The following PTGER4 variants were observed in gnomAD, a reference collection of about 807,000 sequenced individuals.
PTGER4 encodes the protein prostaglandin E2 receptor EP4 subtype.
A neutral mutation model predicts 33.2 loss-of-function variants in PTGER4; 11 were observed. The observed-to-expected ratio is 0.33, with a 90% CI of 0.21 to 0.55. The LOEUF is 0.55. Ranked by LOEUF, PTGER4 falls within the 20% of genes least tolerant of loss-of-function variation. The pLI is 0.92. For synonymous variants in PTGER4, 275 were observed against 281.5 expected, an observed-to-expected ratio of 0.98 and a Z score of 0.23; for missense variants, 481 against 650.2, an observed-to-expected ratio of 0.74 and a Z score of 2.83.
At chr5:40,702,735 A>G in the PTGER4 span, among the ~76,000 whole-genome samples, 1 of 152,250 alleles carries the variant, frequency 6.6e-6, no homozygotes, top group Admixed American at 6.5e-5. Flanking sequence ...CACATGGCAC[A>G]TACTCTAAAA....
the PTGER4 span, among the ~76,000 whole-genome samples, chr5:40,706,688 GA>G: frequency 4.5e-4 from 67 of 148,168 alleles, no homozygotes; most frequent in South Asian, 6.0e-3. Flanking sequence ...AACCAAAAAG[GA>G]AAAAAAAAAT....
At chr5:40,728,935 G>A in the PTGER4 span, among the ~76,000 whole-genome samples, 5 of 152,066 alleles carry the variant, frequency 3.3e-5, no homozygotes, top group Non-Finnish European at 5.9e-5. Context: ...CTCACTACTG[G>A]GCATTTCAAA....
chr5:40,708,219 T>C, the PTGER4 span, among the ~76,000 whole-genome samples: 4 of 152,084 alleles, frequency 2.6e-5, no homozygotes, highest in African/African-American at 9.7e-5. Context: ...CAAAAAAACC[T>C]TCAAAAAATC....
downstream of PTGER4, among the ~76,000 whole-genome samples, chr5:40,697,020 G>C (rs190594651): frequency 3.8e-4 from 48 of 127,332 alleles, no homozygotes; most frequent in African/African-American, 9.0e-4. Context: ...GAGAAAGAAA[G>C]AGAAAACAAA....
Position 40,680,140 on chromosome 5 carries a change from A to G in PTGER4, c.-382A>G, listed in dbSNP as rs1741147455. ...AAGGCTCCGCGCCACCTGCGCGCAC[A>G]GCCTCACACCTGAACGCTGTCCTCC... is the stretch of plus-strand genomic sequence containing the variant. On this transcript the variant is annotated 5_prime_UTR_variant, in exon 1 of 3. Transcript: ENST00000302472. The surrounding 1 kb of genome is among the most constrained non-coding windows in gnomAD (Gnocchi z 5.5). The G allele has an allele frequency of 6.6e-6, 1 of 152,458 alleles. No individual in the cohort carries two copies. The highest frequency in any genetic ancestry group is 6.5e-5 in the Admixed American group (1 of 15,290). The allele number at this position is 152,458 out of a possible 1,614,324, so 9.4% of individuals were successfully genotyped here.
At chr5:40,730,407 A>C in the PTGER4 span, 2 of 1,363,272 alleles carry the variant, frequency 1.5e-6, no homozygotes, top group Non-Finnish European at 2.1e-6. Context: ...TTTCAAAAAA[A>C]AATTTTTATT....
the PTGER4 span, among the ~76,000 whole-genome samples, chr5:40,699,317 A>G: frequency 6.6e-6 from 1 of 152,180 alleles, no homozygotes. Flanking sequence ...AATGTGATAT[A>G]ATTCATAATA....
chr5:40,696,964 A>AAGAAAGAGAGAGAG (rs1741594472), downstream of PTGER4, among the ~76,000 whole-genome samples: 1 of 88,666 alleles, frequency 1.1e-5, no homozygotes, highest in African/African-American at 4.1e-5. Flanking sequence ...GAAAGAGAGA[A>AAGAAAGAGAGAGAG]AGAAAGAGAG....
chr5:40,684,910 C>T (rs763481487), intron 2 of PTGER4, among the ~76,000 whole-genome samples: 11 of 152,016 alleles, frequency 7.2e-5, no homozygotes, highest in African/African-American at 1.9e-4. Context: ...TTAAGATAAA[C>T]GAAAAGGATT....
chr5:40,712,532 T>C, the PTGER4 span, among the ~76,000 whole-genome samples: 1 of 152,128 alleles, frequency 6.6e-6, no homozygotes, highest in Non-Finnish European at 1.5e-5. Flanking sequence ...ATATTGAACT[T>C]AGAATTAGAC....
At chr5:40,727,396 C>A in the PTGER4 span, among the ~76,000 whole-genome samples, 1 of 152,116 alleles carries the variant, frequency 6.6e-6, no homozygotes, top group African/African-American at 2.4e-5. Context: ...ATAGCCCTGC[C>A]AAAAGAAAAA....
chr5:40,695,138 C>T (rs930765258), downstream of PTGER4, among the ~76,000 whole-genome samples: 8 of 152,200 alleles, frequency 5.3e-5, no homozygotes, highest in Admixed American at 1.3e-4. Flanking sequence ...AGGCCAGGTA[C>T]AGTGGCTCAC....
At chr5:40,714,523 A>G in the PTGER4 span, 3 of 152,274 alleles carry the variant, frequency 2.0e-5, no homozygotes, top group African/African-American at 7.2e-5. Context: ...ACAAACATCC[A>G]TTACTCAAAA....
rs575747775 is a variant in PTGER4, at chr5:40,680,498, A to T, written c.-44+20A>T. The T allele has an allele frequency of 6.3e-6, 1 of 157,840 alleles. No homozygotes were observed. Among genetic ancestry groups the T allele is most frequent in the South Asian group, 1.8e-4 (1 of 5,556 alleles). 9.8% of individuals were successfully genotyped at this position (157,840 alleles called of 1,614,324 possible). The stretch of plus-strand genomic sequence containing the variant: ...CTACAGGTGAGATGGCGTTGGGCTG[A>T]CGTTGGGGTCAACGGGTAGAGAACG... On this transcript the variant is annotated intron_variant, in intron 1 of 2. Transcript: ENST00000302472. This position sits in a 1 kb window ranked among gnomAD's most constrained non-coding sequence, Gnocchi z 5.5.
At chr5:40,699,013 C>T in the PTGER4 span, among the ~76,000 whole-genome samples, 2 of 152,086 alleles carry the variant, frequency 1.3e-5, no homozygotes, top group Non-Finnish European at 2.9e-5. Context: ...CATGGCCACC[C>T]ATGATGTATT....
chr5:40,710,825 T>C, the PTGER4 span, among the ~76,000 whole-genome samples: 3 of 151,892 alleles, frequency 2.0e-5, no homozygotes. Context: ...ACTATCACAA[T>C]GCCAAAAAAC....
the PTGER4 span, among the ~76,000 whole-genome samples, chr5:40,741,904 G>A: frequency 5.8e-3 from 886 of 152,154 alleles, 3 homozygotes; most frequent in Non-Finnish European, 8.4e-3. Context: ...CAGGAGAACC[G>A]CTTGAGCCTG....
chr5:40,686,551 G>C (rs561915837), intron 2 of PTGER4, among the ~76,000 whole-genome samples: 1 of 152,198 alleles, frequency 6.6e-6, no homozygotes, highest in Non-Finnish European at 1.5e-5. Context: ...TAAGGGCAGA[G>C]CCAGGATTTG....
At chr5:40,700,564 T>G in the PTGER4 span, among the ~76,000 whole-genome samples, 1 of 152,226 alleles carries the variant, frequency 6.6e-6, no homozygotes, top group Admixed American at 6.5e-5. Context: ...TTGGGCTGAC[T>G]GCACTGAGTG....
Sources: gnomAD v4.1 joint callset for allele counts (sites outside exome capture counted in the v4.1 genomes callset) on GRCh38, gnomAD v4.1.1 for gene constraint, Gnocchi (gnomAD v3.1) non-coding constraint, MANE v1.5 for transcripts, NCBI Gene and HGNC (gene_info 2026-07-23, HGNC 2026-07-21) for gene names.